Variants in JARID2 observed in about 807,000 individuals in gnomAD.
The protein encoded by JARID2 is protein Jumonji.
Under a neutral mutation model 125.6 loss-of-function variants are expected in JARID2, and 21 were observed. The ratio of observed to expected loss-of-function variants is 0.17; its 90% confidence interval spans 0.12 to 0.24. JARID2 has a LOEUF of 0.24. Among genes scored for constraint, JARID2 ranks in the 10% least tolerant of loss-of-function variants. JARID2 has a pLI of 1.00. For synonymous variants in JARID2, 736 were observed against 661.6 expected (o/e 1.11, Z -1.73); for missense variants, 1,303 against 1,639.6 (o/e 0.79, Z 3.55).
intron 2 of JARID2, among the ~76,000 whole-genome samples, chr6:15,385,836 C>T (rs961911851): frequency 2.0e-5 from 3 of 152,102 alleles, no homozygotes; most frequent in South Asian, 2.1e-4. Flanking sequence ...ATGCTCACAC[C>T]GTGACACCCT....
rs551079929 is a variant in JARID2, at chr6:15,418,610, C to T, written c.323+8245C>T. 2.6e-5 allele frequency among the ~76,000 whole-genome samples: 4 copies of T among 152,312 alleles called. No individual in the cohort carries two copies. In the East Asian group the frequency reaches 7.7e-4, roughly 29 times the overall value. On this transcript the variant is annotated intron_variant, in intron 3 of 17. Coordinates refer to ENST00000341776, the MANE Select transcript of JARID2 (RefSeq NM_004973.4). ...TTTCTATTTAACTAGTACAGAAGTA[C>T]CGACTCTGTCTCTAAAGGGATGTAA...
chr6:15,330,466 C>G (rs1007668919), intron 1 of JARID2, among the ~76,000 whole-genome samples: 1 of 152,108 alleles, frequency 6.6e-6, no homozygotes, highest in African/African-American at 2.4e-5. Flanking sequence ...TGGGTTTTGC[C>G]CTCTTCTTTT....
intron 1 of JARID2, among the ~76,000 whole-genome samples, chr6:15,290,345 A>G (rs1425573487): frequency 1.3e-5 from 2 of 152,176 alleles, no homozygotes; most frequent in African/African-American, 2.4e-5. Flanking sequence ...TGCTGTGAAC[A>G]TTAGTGTTCA....
chr6:15,264,456 T>C (rs1324559680), intron 1 of JARID2, among the ~76,000 whole-genome samples: 2 of 152,200 alleles, frequency 1.3e-5, no homozygotes, highest in African/African-American at 4.8e-5. Context: ...TTTTCTGGTA[T>C]GGTTTTCTGT....
intron 1 of JARID2, among the ~76,000 whole-genome samples, chr6:15,268,194 G>C (rs139758914): frequency 1.3e-5 from 2 of 152,132 alleles, no homozygotes; most frequent in African/African-American, 4.8e-5. Flanking sequence ...TTGGCTTTTC[G>C]TAAGGGTAGA....
intron 1 of JARID2, among the ~76,000 whole-genome samples, chr6:15,346,306 A>G (rs1041389980): frequency 6.6e-6 from 1 of 152,200 alleles, no homozygotes; most frequent in Non-Finnish European, 1.5e-5. Flanking sequence ...ACTAATGGCA[A>G]TCAGCATTTA....
intron 3 of JARID2, among the ~76,000 whole-genome samples, chr6:15,442,770 A>C (rs370199784): frequency 1.3e-5 from 2 of 152,216 alleles, no homozygotes; most frequent in African/African-American, 2.4e-5. Context: ...TAGAACACAA[A>C]AGAAGTCAAT....
intron 1 of JARID2, among the ~76,000 whole-genome samples, chr6:15,328,396 G>C (rs1305545507): frequency 6.6e-6 from 1 of 152,166 alleles, no homozygotes; most frequent in Non-Finnish European, 1.5e-5. Context: ...GTGTCTGCAG[G>C]TTGCTGTTGC....
At chr6:15,386,789 G>T (rs990643425) in intron 2 of JARID2, among the ~76,000 whole-genome samples, 1 of 152,252 alleles carries the variant, frequency 6.6e-6, no homozygotes, top group African/African-American at 2.4e-5. Context: ...AGGCCCATGT[G>T]CATCCCCTTA....
At chr6:15,515,318 C>T (rs934602853) in intron 16 of JARID2, among the ~76,000 whole-genome samples, 6 of 152,182 alleles carry the variant, frequency 3.9e-5, no homozygotes, top group Non-Finnish European at 5.9e-5. Context: ...AGCTGTCCAT[C>T]CTCTTGCTGG....
chr6:15,277,125 A>G (rs1182957271), intron 1 of JARID2, among the ~76,000 whole-genome samples: 2 of 152,152 alleles, frequency 1.3e-5, no homozygotes, highest in Non-Finnish European at 2.9e-5. Flanking sequence ...TAAGTACATA[A>G]TATTCTCACA....
At chr6:15,477,108 A>G (rs1769380349) in intron 5 of JARID2, among the ~76,000 whole-genome samples, 1 of 152,186 alleles carries the variant, frequency 6.6e-6, no homozygotes, top group African/African-American at 2.4e-5. Flanking sequence ...TGTTTCTCAG[A>G]AGACTTTTTA....
At chr6:15,447,499 C>G (rs542459390) in intron 3 of JARID2, among the ~76,000 whole-genome samples, 2 of 152,344 alleles carry the variant, frequency 1.3e-5, no homozygotes, top group South Asian at 4.1e-4. Flanking sequence ...TGACTACATG[C>G]AAGGCCCAAG....
At chr6:15,419,261 G>A (rs1355742037) in intron 3 of JARID2, among the ~76,000 whole-genome samples, 1 of 152,154 alleles carries the variant, frequency 6.6e-6, no homozygotes, top group Admixed American at 6.5e-5. Flanking sequence ...AATAAGAGAA[G>A]TACTAGTTTA....
chr6:15,507,095 C>T, intron 9 of JARID2, 41 bp from the exon 10 acceptor site: 1 of 1,298,334 alleles, frequency 7.7e-7, no homozygotes, highest in East Asian at 2.3e-5. Context: ...GTGGCTGCAG[C>T]ACCTTAGGGG....
At chr6:15,430,366 A>G (rs940477862) in intron 3 of JARID2, among the ~76,000 whole-genome samples, 2 of 152,326 alleles carry the variant, frequency 1.3e-5, no homozygotes, top group African/African-American at 2.4e-5. Context: ...TTCGTTTACT[A>G]TATACAAAAT....
chr6:15,469,758 T>G (rs1768980228), intron 5 of JARID2, among the ~76,000 whole-genome samples: 2 of 152,134 alleles, frequency 1.3e-5, no homozygotes, highest in Admixed American at 1.3e-4. Flanking sequence ...GGCAATTCCC[T>G]GACCGAAGGT....
At chr6:15,477,394 G>A (rs1203198318) in intron 5 of JARID2, among the ~76,000 whole-genome samples, 2 of 151,696 alleles carry the variant, frequency 1.3e-5, no homozygotes, top group Non-Finnish European at 2.9e-5. Context: ...CCCCGCCCCC[G>A]AGAGAACATG....
intron 3 of JARID2, among the ~76,000 whole-genome samples, chr6:15,420,891 T>C (rs981085338): frequency 6.6e-6 from 1 of 152,218 alleles, no homozygotes; most frequent in Non-Finnish European, 1.5e-5. Flanking sequence ...ATGGGCACTA[T>C]TCCTGGTGCT....
Sources: allele counts gnomAD v4.1 joint callset (sites outside exome capture counted in the v4.1 genomes callset), GRCh38; gene constraint gnomAD v4.1.1; transcripts MANE v1.5; gene names NCBI Gene and HGNC (gene_info 2026-07-23, HGNC 2026-07-21).